The following HPSE2 variants were observed in gnomAD, a reference collection of about 807,000 sequenced individuals.
HPSE2 encodes the protein inactive heparanase-2.
A neutral mutation model predicts 60.5 loss-of-function variants in HPSE2; 38 were observed. The ratio of observed to expected loss-of-function variants is 0.63; its 90% CI spans 0.48 to 0.82. HPSE2 has a LOEUF of 0.82. Ranked by LOEUF, HPSE2 falls within the 40% of genes least tolerant of loss-of-function variation. The probability of loss-of-function intolerance (pLI) is 0.00; values close to 1 mark genes in which losing one functional copy is unlikely to be tolerated. For synonymous variants in HPSE2, 295 were observed against 293.2 expected (o/e 1.01, Z -0.06); for missense variants, 713 against 740.4 (o/e 0.96, Z 0.43).
intron 3 of HPSE2, among the ~76,000 whole-genome samples, chr10:98,795,128 G>A (rs186377662): frequency 8.6e-5 from 13 of 152,046 alleles, no homozygotes; most frequent in Admixed American, 2.0e-4. Context: ...GAAGCCTATA[G>A]CATGTGTCTC....
chr10:98,466,483 T>C (rs1019379367), intron 11 of HPSE2, among the ~76,000 whole-genome samples: 4 of 151,736 alleles, frequency 2.6e-5, no homozygotes, highest in Admixed American at 2.6e-4. Flanking sequence ...TGGTGGTAGG[T>C]GCCTGTAATC....
At chr10:99,114,675 G>A (rs1163379253) in intron 3 of HPSE2, among the ~76,000 whole-genome samples, 1 of 152,120 alleles carries the variant, frequency 6.6e-6, no homozygotes. Context: ...AGCACTTTGG[G>A]GGGCTGAGAC....
At chr10:98,999,449 G>A (rs2135368411) in intron 3 of HPSE2, among the ~76,000 whole-genome samples, 1 of 152,258 alleles carries the variant, frequency 6.6e-6, no homozygotes, top group African/African-American at 2.4e-5. Flanking sequence ...GGAAACAATG[G>A]TTGGCCAGGC....
chr10:99,252,504 C>T, the HPSE2 span, among the ~76,000 whole-genome samples: 1 of 152,086 alleles, frequency 6.6e-6, no homozygotes, highest in African/African-American at 2.4e-5. Context: ...GTACAAAAAT[C>T]AGTAGTATTT....
intron 9 of HPSE2, among the ~76,000 whole-genome samples, chr10:98,580,239 T>C (rs965374518): frequency 3.9e-5 from 6 of 152,164 alleles, no homozygotes; most frequent in African/African-American, 1.4e-4. Flanking sequence ...TTTTCTTTCA[T>C]TCTGCTTGAA....
intron 3 of HPSE2, among the ~76,000 whole-genome samples, chr10:99,027,984 G>T (rs868448693): frequency 6.6e-6 from 1 of 151,926 alleles, no homozygotes; most frequent in Non-Finnish European, 1.5e-5. Flanking sequence ...TCAAAAAACT[G>T]GGGAAGGAAC....
intron 3 of HPSE2, among the ~76,000 whole-genome samples, chr10:98,744,989 T>G (rs925601339): frequency 8.6e-5 from 13 of 151,920 alleles, no homozygotes; most frequent in Non-Finnish European, 1.6e-4. Context: ...GATCTCGAGG[T>G]CAGGAGATGG....
At chr10:99,139,591 T>C (rs1206532846) in intron 3 of HPSE2, among the ~76,000 whole-genome samples, 1 of 152,186 alleles carries the variant, frequency 6.6e-6, no homozygotes, top group Non-Finnish European at 1.5e-5. Context: ...ATTTATTACT[T>C]ATAAAGCACG....
the HPSE2 span, among the ~76,000 whole-genome samples, chr10:99,305,161 A>C: frequency 6.6e-6 from 1 of 152,216 alleles, no homozygotes; most frequent in African/African-American, 2.4e-5. Context: ...TGGCAGTTGT[A>C]CAGTTGTACC....
At chr10:99,214,877 A>C (rs1379482143) in intron 2 of HPSE2, among the ~76,000 whole-genome samples, 1 of 152,232 alleles carries the variant, frequency 6.6e-6, no homozygotes, top group Non-Finnish European at 1.5e-5. Flanking sequence ...GCAAATCAAA[A>C]CCACAATGAG....
intron 3 of HPSE2, among the ~76,000 whole-genome samples, chr10:98,859,034 T>C (rs750098869): frequency 6.6e-6 from 1 of 152,154 alleles, no homozygotes; most frequent in Non-Finnish European, 1.5e-5. Context: ...GCTCAAGCAA[T>C]CCTCCCACCT....
intron 6 of HPSE2, among the ~76,000 whole-genome samples, chr10:98,653,212 C>G (rs1012963038): frequency 1.3e-5 from 2 of 152,168 alleles, no homozygotes; most frequent in African/African-American, 4.8e-5. Context: ...GTGTACTTCT[C>G]TCTTTACTTT....
In HPSE2 at chr10:99,123,775, T is replaced by C. The variant is rs116706620; in HGVS notation, c.610+20463A>G. Among the ~76,000 whole-genome samples the C allele has an allele frequency of 5.8e-3, 878 of 152,174 alleles. 9 individuals carry two copies. The highest frequency in any genetic ancestry group is 0.02 in the African/African-American group (834 of 41,528). The stretch of plus-strand genomic sequence containing the variant: ...CAGCTGTCAGTGGCAAGGAGACCCA[T>C]AGTGAGCAGTCCTAGTCACAGGCAA... On this transcript the variant is annotated intron_variant, in intron 3 of 11. Transcript: ENST00000370552.
the HPSE2 span, among the ~76,000 whole-genome samples, chr10:99,252,620 T>C: frequency 6.6e-6 from 1 of 152,164 alleles, no homozygotes; most frequent in South Asian, 2.1e-4. Context: ...CTCACGCCTG[T>C]AATCCCAGCA....
chr10:98,721,316 T>C (rs558246474), intron 5 of HPSE2, among the ~76,000 whole-genome samples: 4 of 152,260 alleles, frequency 2.6e-5, no homozygotes, highest in African/African-American at 9.6e-5. Flanking sequence ...AGGACACTGG[T>C]ATAGAGTAAT....
At chr10:98,562,547 T>C (rs1472699348) in intron 9 of HPSE2, among the ~76,000 whole-genome samples, 1 of 151,950 alleles carries the variant, frequency 6.6e-6, no homozygotes, top group Admixed American at 6.6e-5. Flanking sequence ...AAACCCCATC[T>C]GTACTAAAAA....
chr10:98,532,303 C>A (rs1376434208), intron 9 of HPSE2, among the ~76,000 whole-genome samples: 2 of 152,184 alleles, frequency 1.3e-5, no homozygotes, highest in Non-Finnish European at 2.9e-5. Flanking sequence ...TCCTACAACA[C>A]AAAGGGCCAG....
chr10:99,058,596 G>A (rs952894456), intron 3 of HPSE2, among the ~76,000 whole-genome samples: 3 of 152,126 alleles, frequency 2.0e-5, no homozygotes, highest in Admixed American at 2.0e-4. Context: ...ATTGCCAAAT[G>A]GAGAGCCTAC....
At chr10:98,749,924 T>A (rs867801997) in intron 3 of HPSE2, among the ~76,000 whole-genome samples, 655 of 24,778 alleles carry the variant, frequency 0.026, 10 homozygotes, top group African/African-American at 0.05. Context: ...ATATATATAT[T>A]AAACACTATA....
Sources: allele counts gnomAD v4.1 joint callset (sites outside exome capture counted in the v4.1 genomes callset), GRCh38; gene constraint gnomAD v4.1.1; transcripts MANE v1.5; gene names NCBI Gene and HGNC (gene_info 2026-07-23, HGNC 2026-07-21).